The following TMPO variants were observed in gnomAD, a reference collection of about 807,000 sequenced individuals.
The protein encoded by TMPO is thymopoietin.
A neutral mutation model predicts 45.4 loss-of-function variants in TMPO; 22 were observed. That is an observed-to-expected ratio of 0.48 (90% CI 0.35 to 0.69). The LOEUF is 0.69. TMPO is among the 30% of genes least tolerant of loss of function. The pLI, the probability that TMPO is intolerant of heterozygous loss-of-function variation, is 0.01. For synonymous variants in TMPO, 241 were observed against 204.1 expected, an observed-to-expected ratio of 1.18 and a Z score of -1.54; for missense variants, 512 against 548.8, an observed-to-expected ratio of 0.93 and a Z score of 0.67.
chr12:98,535,293 A>G (rs1343850685), intron 3 of TMPO: 3 of 982,912 alleles, frequency 3.1e-6, no homozygotes, highest in Non-Finnish European at 3.6e-6. Flanking sequence ...TTAAGCCATA[A>G]GAAATTATAC....
At position 98,533,615 on chromosome 12, in the gene TMPO, G is replaced by C. The variant is rs368161386; in HGVS notation, c.565+1777G>C. ...TTTGTGGCATTTCAGAACATACCTGGATCCGAACTGATGTCTTCTTTTGCC... is the reference window on the plus strand; with the variant it reads ...TTTGTGGCATTTCAGAACATACCTGCATCCGAACTGATGTCTTCTTTTGCC... On this transcript the variant is annotated intron_variant, in intron 3 of 8. Coordinates refer to ENST00000556029, the MANE Select transcript of TMPO (RefSeq NM_001032283.3). 4 of 1,614,038 alleles carry C rather than the reference G, an allele frequency of 2.5e-6. No homozygotes were observed. The highest frequency in any genetic ancestry group is 3.4e-6 in the Non-Finnish European group (4 of 1,180,030).
chr12:98,526,682 G>A (rs934827014), intron 1 of TMPO, among the ~76,000 whole-genome samples: 1 of 152,064 alleles, frequency 6.6e-6, no homozygotes, highest in Non-Finnish European at 1.5e-5. Flanking sequence ...ATTTCTGGCC[G>A]GGCGCAGTGG....
intron 1 of TMPO, among the ~76,000 whole-genome samples, chr12:98,522,587 A>C (rs1274208155): frequency 2.6e-5 from 4 of 152,236 alleles, no homozygotes; most frequent in Non-Finnish European, 5.9e-5. Flanking sequence ...TGAGGAGTAC[A>C]TGCCATTGCA....
intron 3 of TMPO, chr12:98,534,794 A>G: frequency 9.9e-7 from 1 of 1,006,202 alleles, no homozygotes; most frequent in Non-Finnish European, 1.2e-6. Flanking sequence ...TTCACGTTCC[A>G]TAACTTGTCC....
intron 1 of TMPO, chr12:98,527,541 A>AAG: frequency 4.5e-6 from 1 of 219,978 alleles, no homozygotes; most frequent in Non-Finnish European, 9.1e-6. Context: ...AAAAAAAAAA[A>AAG]AGGTTATTTA....
At chr12:98,520,676 T>C (rs1876276431) in intron 1 of TMPO, among the ~76,000 whole-genome samples, 1 of 150,884 alleles carries the variant, frequency 6.6e-6, no homozygotes, top group Non-Finnish European at 1.5e-5. Context: ...CCAGCTGGAG[T>C]GCAGTGGTGC....
chr12:98,534,241 T>A, intron 3 of TMPO: 1 of 1,613,912 alleles, frequency 6.2e-7, no homozygotes, highest in East Asian at 2.2e-5. Flanking sequence ...CAAAATTAAT[T>A]TAGCTTCTAA....
intron 1 of TMPO, chr12:98,516,348 C>T (rs1018258233): frequency 1.5e-5 from 18 of 1,220,246 alleles, no homozygotes; most frequent in Middle Eastern, 3.2e-4. Flanking sequence ...CCGCGGGGTT[C>T]GCGTTCTTTG....
chr12:98,522,029 T>C (rs1876409681), intron 1 of TMPO, among the ~76,000 whole-genome samples: 1 of 152,026 alleles, frequency 6.6e-6, no homozygotes, highest in Non-Finnish European at 1.5e-5. Flanking sequence ...CACGCCTGTC[T>C]GTGTGTTTGT....
At chr12:98,546,162 T>C (rs1417595127) in intron 7 of TMPO, among the ~76,000 whole-genome samples, 197 bp from the exon 8 acceptor site, 1 of 152,236 alleles carries the variant, frequency 6.6e-6, no homozygotes, top group Non-Finnish European at 1.5e-5. Flanking sequence ...ACCACATATA[T>C]AAGGTATCTT....
Position 98,532,855 on chromosome 12 carries a change from A to G in TMPO, c.565+1017A>G, listed in dbSNP as rs758500418. 1.9e-6 allele frequency: 3 copies of G among 1,614,078 alleles called. No homozygotes were observed. The highest frequency in any genetic ancestry group is 1.1e-5 in the South Asian group (1 of 91,096). On this transcript the variant is annotated intron_variant, in intron 3 of 8. Coordinates refer to ENST00000556029, the MANE Select transcript of TMPO (RefSeq NM_001032283.3). ...GAAAGAACACAAGAAAGTGAAGTCC[A>G]CTAGGGATATTGTTCCTTTTTCTGA...
chr12:98,515,651 T>C lies in TMPO; in HGVS notation c.-217T>C. ...GCTGGGGTTGGTGCGAGCTTCCAGC[T>C]TGGCCGCAGTTGGTTCGTAGTTCGG... On this transcript the variant is annotated 5_prime_UTR_variant, in exon 1 of 9. Coordinates refer to ENST00000556029, the MANE Select transcript of TMPO (RefSeq NM_001032283.3). The C allele has an allele frequency of 1.1e-6, 1 of 925,114 alleles. No homozygotes were observed. The highest frequency in any genetic ancestry group is 1.6e-6 in the Non-Finnish European group (1 of 627,970). 57.3% of individuals were successfully genotyped at this position (925,114 alleles called of 1,614,324 possible).
rs398039980 is a variant in TMPO at position 98,539,471 on chromosome 12, C to CTTTTT, written c.663+1914_663+1918dup. ...CCACACCCTCCAGCTTTTTAAATTA[C>CTTTTT]TTTTTTTTTTTTTTTTTTTGAGACA... On this transcript the variant is annotated intron_variant, in intron 4 of 8. Coordinates refer to ENST00000556029, the MANE Select transcript of TMPO (RefSeq NM_001032283.3). Among the ~76,000 whole-genome samples, 276 of 123,438 alleles carry CTTTTT rather than the reference C, an allele frequency of 2.2e-3. 7 individuals are homozygous for CTTTTT. Among genetic ancestry groups the CTTTTT allele is most frequent in the Middle Eastern group, 9.5e-3 (2 of 210 alleles). The allele number at this position is 123,438 out of a possible 152,430, so 81.0% of individuals were successfully genotyped here. A position where few individuals can be genotyped will look rare whatever the true frequency, so the allele number is the denominator to read the frequency against.
intron 2 of TMPO, among the ~76,000 whole-genome samples, 198 bp from the exon 3 acceptor site, chr12:98,531,482 G>T (rs552631097): frequency 6.6e-6 from 1 of 151,764 alleles, no homozygotes; most frequent in Non-Finnish European, 1.5e-5. Flanking sequence ...TAATGTACCC[G>T]CCTCAGCCTC....
intron 2 of TMPO, among the ~76,000 whole-genome samples, chr12:98,529,610 G>C (rs1024560222): frequency 2.0e-5 from 3 of 150,944 alleles, no homozygotes; most frequent in African/African-American, 7.3e-5. Context: ...TGTTGTCCAC[G>C]CTGGAGTGCA....
At chr12:98,530,099 A>AG (rs1477919392) in intron 2 of TMPO, among the ~76,000 whole-genome samples, 1 of 152,124 alleles carries the variant, frequency 6.6e-6, no homozygotes, top group African/African-American at 2.4e-5. Context: ...ACACTTTGGG[A>AG]GGCCAAGGTG....
chr12:98,523,199 T>C (rs1189644878), intron 1 of TMPO, among the ~76,000 whole-genome samples: 5 of 152,214 alleles, frequency 3.3e-5, no homozygotes, highest in Non-Finnish European at 5.9e-5. Context: ...TTTATCCTTA[T>C]TAAATCTGAG....
chr12:98,533,011 C>T (rs1266035436), intron 3 of TMPO: 2 of 1,613,756 alleles, frequency 1.2e-6, no homozygotes, highest in East Asian at 2.2e-5. Flanking sequence ...GGGAGACCTA[C>T]CTAGGGAGCC....
intron 3 of TMPO, chr12:98,533,256 G>A (rs1313900882): frequency 6.2e-7 from 1 of 1,613,800 alleles, no homozygotes; most frequent in Non-Finnish European, 8.5e-7. Flanking sequence ...GCGGTAGAGA[G>A]AAAAGTGGAA....
Sources: gnomAD v4.1 joint callset for allele counts (sites outside exome capture counted in the v4.1 genomes callset) on GRCh38, gnomAD v4.1.1 for gene constraint, MANE v1.5 for transcripts, NCBI Gene and HGNC (gene_info 2026-07-23, HGNC 2026-07-21) for gene names.